NTRK2: variants seen among roughly 807,000 people sequenced by gnomAD.
NTRK2 encodes the protein BDNF/NT-3 growth factors receptor.
In NTRK2, 13 loss-of-function variants were observed where a neutral mutation model predicts 94.5. The observed-to-expected ratio is 0.14, with a 90% CI of 0.09 to 0.22. The LOEUF (loss-of-function observed/expected upper bound fraction) is 0.22, where lower values mean the gene tolerates loss of function less well. NTRK2 is among the 10% of genes least tolerant of loss of function. The pLI is 1.00. For missense variants in NTRK2, 639 were observed against 1,071.2 expected, an observed-to-expected ratio of 0.60 and a Z score of 5.63; for synonymous variants, 372 against 407.4, an observed-to-expected ratio of 0.91 and a Z score of 1.05.
At chr9:84,718,059 C>CTCT (rs60256406) in intron 6 of NTRK2, among the ~76,000 whole-genome samples, 111,816 of 150,992 alleles carry the variant, frequency 0.74, 41,866 homozygotes, top group East Asian at 0.94. Flanking sequence ...CTTCTTCCTC[C>CTCT]TCTTCTTTCT....
At chr9:84,991,627 C>T (rs1321850223) in intron 17 of NTRK2, among the ~76,000 whole-genome samples, 3 of 152,140 alleles carry the variant, frequency 2.0e-5, no homozygotes, top group Non-Finnish European at 4.4e-5. Flanking sequence ...GGTGAGTTTT[C>T]CCAGCTTTGG....
rs1289127837 is a variant in NTRK2, at chr9:84,955,525, G to A, written c.2172+8G>A. The A allele has an allele frequency of 3.1e-6, 5 of 1,609,522 alleles. No homozygotes were observed. The highest frequency in any genetic ancestry group is 4.3e-6 in the Non-Finnish European group (5 of 1,176,096). On this transcript the variant is annotated splice_region_variant and intron_variant, in intron 17 of 18. Transcript: ENST00000277120. Reference sequence around the variant, plus strand: ...AGCACTGACTACTACAGGGTGAGTAGCTGTGCAGATCAGAGACCCCAGGGA... The same window carrying A: ...AGCACTGACTACTACAGGGTGAGTAACTGTGCAGATCAGAGACCCCAGGGA...
chr9:84,902,269 C>T (rs1007163006), intron 14 of NTRK2, among the ~76,000 whole-genome samples: 1 of 151,036 alleles, frequency 6.6e-6, no homozygotes, highest in African/African-American at 2.4e-5. Flanking sequence ...CTTTAGGGAT[C>T]TTTGTCTTTT....
At chr9:84,931,037 G>C (rs2078007884) in intron 14 of NTRK2, among the ~76,000 whole-genome samples, 1 of 152,118 alleles carries the variant, frequency 6.6e-6, no homozygotes, top group South Asian at 2.1e-4. Context: ...ATCACCAATT[G>C]TATGCACAGC....
At chr9:84,679,968 CT>C (rs1256673705) in intron 2 of NTRK2, among the ~76,000 whole-genome samples, 1 of 152,094 alleles carries the variant, frequency 6.6e-6, no homozygotes, top group East Asian at 1.9e-4. Context: ...TCCTGGCCCA[CT>C]TCTGTGGATG....
chr9:84,707,941 G>A (rs1401371742), intron 5 of NTRK2, 29 bp downstream of exon 5: 1 of 1,587,410 alleles, frequency 6.3e-7, no homozygotes, highest in South Asian at 1.1e-5. Flanking sequence ...TGGCATTTGG[G>A]GAAATGTTTT....
chr9:84,805,424 T>C (rs2070998477), intron 12 of NTRK2, among the ~76,000 whole-genome samples: 1 of 152,186 alleles, frequency 6.6e-6, no homozygotes. Flanking sequence ...CCCCAGTAGA[T>C]TAAAATGCTC....
chr9:84,878,477 T>C (rs1381088551), intron 14 of NTRK2, among the ~76,000 whole-genome samples: 2 of 151,814 alleles, frequency 1.3e-5, no homozygotes, highest in African/African-American at 2.4e-5. Context: ...CTACTAAAAA[T>C]ACAAAAATTA....
chr9:84,859,882 T>C (rs1203822413), intron 12 of NTRK2, among the ~76,000 whole-genome samples: 1 of 152,220 alleles, frequency 6.6e-6, no homozygotes, highest in African/African-American at 2.4e-5. Context: ...GGCTCAAGGC[T>C]AGGCCTTCAT....
intron 15 of NTRK2, among the ~76,000 whole-genome samples, chr9:84,938,929 G>A (rs1452775064): frequency 6.6e-6 from 1 of 151,636 alleles, no homozygotes; most frequent in African/African-American, 2.4e-5. Context: ...GCATGCACCT[G>A]TGGTCCCAGC....
At chr9:84,810,203 G>T (rs1473388412) in intron 12 of NTRK2, among the ~76,000 whole-genome samples, 1 of 152,140 alleles carries the variant, frequency 6.6e-6, no homozygotes, top group Non-Finnish European at 1.5e-5. Context: ...CATTTGTATT[G>T]TACACAGATG....
intron 14 of NTRK2, among the ~76,000 whole-genome samples, chr9:84,926,866 C>G (rs1181502483): frequency 6.6e-6 from 1 of 152,140 alleles, no homozygotes; most frequent in Non-Finnish European, 1.5e-5. Flanking sequence ...TTTTAATGTC[C>G]TTATGATAAG....
chr9:84,976,472 A>G (rs1367387599), intron 17 of NTRK2, among the ~76,000 whole-genome samples: 1 of 152,224 alleles, frequency 6.6e-6, no homozygotes, highest in East Asian at 1.9e-4. Flanking sequence ...TTTAGTTCAC[A>G]GCACCAAGTA....
chr9:84,997,276 C>T (rs1302678962), intron 17 of NTRK2, among the ~76,000 whole-genome samples: 1 of 152,132 alleles, frequency 6.6e-6, no homozygotes, highest in Non-Finnish European at 1.5e-5. Flanking sequence ...GTCTCTGAGA[C>T]TGAAAACCAT....
chr9:84,725,664 G>A (rs111652058), intron 8 of NTRK2, among the ~76,000 whole-genome samples: 1 of 147,734 alleles, frequency 6.8e-6, no homozygotes, highest in East Asian at 1.9e-4. Flanking sequence ...TATATATTAT[G>A]TATATATATA....
chr9:84,901,473 C>T lies in NTRK2; in HGVS notation c.1634-32689C>T, dbSNP rs536827250. On this transcript the variant is annotated intron_variant, in intron 14 of 18. Coordinates refer to ENST00000277120, the MANE Select transcript of NTRK2 (RefSeq NM_006180.6). ...GGTCTTGATCTCCTGACCTCGTGAT[C>T]TGCCTGCCTCAGCCTCCCAAAGTGC... Among the ~76,000 whole-genome samples, 4 of 152,130 alleles carry T rather than the reference C, an allele frequency of 2.6e-5. No individual in the cohort carries two copies. In the East Asian group the frequency reaches 7.7e-4, roughly 29 times the overall value.
chr9:84,931,724 A>C (rs1040587882), intron 14 of NTRK2, among the ~76,000 whole-genome samples: 1 of 151,576 alleles, frequency 6.6e-6, no homozygotes, highest in African/African-American at 2.4e-5. Context: ...TGCAAAAAAA[A>C]AAAAAACAAA....
chr9:85,019,173 G>A (rs934893408), intron 17 of NTRK2, among the ~76,000 whole-genome samples: 1 of 152,252 alleles, frequency 6.6e-6, no homozygotes, highest in African/African-American at 2.4e-5. Context: ...TGGATATTGA[G>A]ATTAGAATTG....
At chr9:84,770,081 C>T (rs1308076968) in intron 12 of NTRK2, among the ~76,000 whole-genome samples, 1 of 151,814 alleles carries the variant, frequency 6.6e-6, no homozygotes, top group Non-Finnish European at 1.5e-5. Context: ...GAGGGTCACG[C>T]ACCTGGAACC....
Sources: gnomAD v4.1 joint callset for allele counts (sites outside exome capture counted in the v4.1 genomes callset) on GRCh38, gnomAD v4.1.1 for gene constraint, MANE v1.5 for transcripts, NCBI Gene and HGNC (gene_info 2026-07-23, HGNC 2026-07-21) for gene names.